CCDC146: variants seen among roughly 807,000 people sequenced by gnomAD.
The protein encoded by CCDC146 is coiled-coil domain containing 146, also known as coiled-coil domain-containing protein 146.
CCDC146 carries 92 observed loss-of-function variants against 119.3 expected under a neutral mutation model. That is an observed-to-expected ratio of 0.77 (90% CI 0.65 to 0.92). The LOEUF (loss-of-function observed/expected upper bound fraction) is 0.92. Among genes scored for constraint, CCDC146 ranks in the 40% least tolerant of loss-of-function variants. The pLI is 0.00. For synonymous variants in CCDC146, 372 were observed against 371.8 expected (o/e 1.00, Z -0.01); for missense variants, 1,000 against 1,103.0 (o/e 0.91, Z 1.32).
At chr7:77,276,091 A>G (rs1210159240) in intron 11 of CCDC146, among the ~76,000 whole-genome samples, 1 of 151,720 alleles carries the variant, frequency 6.6e-6, no homozygotes, top group Non-Finnish European at 1.5e-5. Context: ...CTGTAATCCC[A>G]GCTACTTGGG....
At chr7:77,277,523 G>C (rs1327983151) in intron 11 of CCDC146, among the ~76,000 whole-genome samples, 1 of 151,892 alleles carries the variant, frequency 6.6e-6, no homozygotes, top group Non-Finnish European at 1.5e-5. Flanking sequence ...CCTGTACTTA[G>C]CTGCAGTTTC....
At chr7:77,265,346 G>T (rs1456262247) in intron 9 of CCDC146, among the ~76,000 whole-genome samples, 1 of 152,162 alleles carries the variant, frequency 6.6e-6, no homozygotes, top group Non-Finnish European at 1.5e-5. Context: ...GGGATAAAAT[G>T]TATAATTACC....
At chr7:77,233,094 G>GC (rs1554355014) in intron 2 of CCDC146, among the ~76,000 whole-genome samples, 2 of 144,680 alleles carry the variant, frequency 1.4e-5, no homozygotes, top group Non-Finnish European at 3.0e-5. Context: ...TCTTTTGTTT[G>GC]TTTTTTTTTT....
rs751454243 is a variant in CCDC146 at position 77,236,967 on chromosome 7, T to C, written c.177T>C (p.Leu59=). The C allele has an allele frequency of 2.5e-6, 4 of 1,614,124 alleles. No homozygotes were observed. The highest frequency in any genetic ancestry group is 3.4e-6 in the Non-Finnish European group (4 of 1,179,958). ...FLHELHAMGK[L]PGTRMAALKA... ...GCTAGTTACATGCTATGGGAAAACT[T>C]CCTGGAACCAGAATGGCAGCGTTAA... is the stretch of plus-strand genomic sequence containing the variant. Residue 59 remains leucine, a synonymous_variant, in exon 3 of 19, where the codon CTT becomes CTC. Coordinates refer to ENST00000285871, the MANE Select transcript of CCDC146 (RefSeq NM_020879.3).
chr7:77,256,182 A>G, intron 5 of CCDC146, 151 bp from the exon 6 acceptor site: 1 of 559,692 alleles, frequency 1.8e-6, no homozygotes, highest in Non-Finnish European at 3.1e-6. Context: ...ATTTAGCTTT[A>G]TGAGAAATCA....
intron 4 of CCDC146, among the ~76,000 whole-genome samples, chr7:77,250,076 T>A (rs185124397): frequency 0.012 from 1,767 of 152,328 alleles, 16 homozygotes; most frequent in Middle Eastern, 0.02. Context: ...AAGTACTTTT[T>A]AAGTAACAAA....
intron 2 of CCDC146, among the ~76,000 whole-genome samples, chr7:77,220,254 A>G (rs1792377802): frequency 6.6e-6 from 1 of 152,158 alleles, no homozygotes; most frequent in African/African-American, 2.4e-5. Flanking sequence ...TAATTCTCCT[A>G]TTCGCTTTTG....
chr7:77,152,359 T>A (rs1482069330), intron 1 of CCDC146, among the ~76,000 whole-genome samples: 1 of 152,174 alleles, frequency 6.6e-6, no homozygotes, highest in Non-Finnish European at 1.5e-5. Flanking sequence ...GAGTAAGGGA[T>A]GCTGCCCCAG....
chr7:77,283,753 G>A (rs11770551), intron 15 of CCDC146, among the ~76,000 whole-genome samples: 8,601 of 151,936 alleles, frequency 0.057, 311 homozygotes, highest in Middle Eastern at 0.088. Flanking sequence ...TTTTAATCAT[G>A]TGAAGGGGAT....
At chr7:77,179,687 G>T (rs78015737) in intron 2 of CCDC146, among the ~76,000 whole-genome samples, 2,104 of 152,146 alleles carry the variant, frequency 0.014, 58 homozygotes, top group African/African-American at 0.048. Flanking sequence ...TAGTGGGATT[G>T]CTGGGTCAGT....
intron 1 of CCDC146, among the ~76,000 whole-genome samples, chr7:77,136,434 G>A (rs1309370771): frequency 1.3e-5 from 2 of 152,130 alleles, no homozygotes; most frequent in African/African-American, 4.8e-5. Context: ...ACATCAGAAT[G>A]AAACTGATCA....
intron 17 of CCDC146, among the ~76,000 whole-genome samples, chr7:77,292,165 A>AT (rs1280515909): frequency 5.3e-5 from 8 of 152,252 alleles, no homozygotes; most frequent in Non-Finnish European, 8.8e-5. Flanking sequence ...ATGGTGGTGC[A>AT]TGGCTATAGT....
intron 1 of CCDC146, among the ~76,000 whole-genome samples, chr7:77,123,926 CT>C (rs1249896109): frequency 2.0e-5 from 3 of 152,238 alleles, no homozygotes. Flanking sequence ...CTTTTCTTGT[CT>C]TTGTGTTTCA....
intron 2 of CCDC146, among the ~76,000 whole-genome samples, chr7:77,234,256 T>TTC (rs1353009193): frequency 6.6e-6 from 1 of 151,724 alleles, no homozygotes; most frequent in Non-Finnish European, 1.5e-5. Context: ...TAAAGGCTTT[T>TTC]TTTTTTTTTA....
At chr7:77,131,260 C>A (rs997662037) in intron 1 of CCDC146, among the ~76,000 whole-genome samples, 3 of 151,836 alleles carry the variant, frequency 2.0e-5, no homozygotes, top group African/African-American at 7.3e-5. Flanking sequence ...GGAAAAGTTA[C>A]CACCCCCAAA....
At chr7:77,254,612 A>G (rs1016427056) in intron 5 of CCDC146, 49 bp downstream of exon 5, 7 of 1,003,236 alleles carry the variant, frequency 7.0e-6, no homozygotes, top group Non-Finnish European at 1.1e-5. Context: ...GGATTCAATC[A>G]TCCCTTTTTA....
chr7:77,252,937 G>A (rs148889576), intron 4 of CCDC146, among the ~76,000 whole-genome samples: 34 of 152,256 alleles, frequency 2.2e-4, no homozygotes, highest in African/African-American at 7.9e-4. Context: ...TAGTCCAATG[G>A]CTCCAATCCA....
intron 2 of CCDC146, among the ~76,000 whole-genome samples, chr7:77,201,201 G>A (rs1791980226): frequency 6.6e-6 from 1 of 152,144 alleles, no homozygotes; most frequent in Admixed American, 6.6e-5. Flanking sequence ...CTGTAGCGGA[G>A]GAATTTAGCT....
intron 15 of CCDC146, among the ~76,000 whole-genome samples, chr7:77,283,533 T>C (rs1210094902): frequency 6.6e-6 from 1 of 152,140 alleles, no homozygotes; most frequent in Non-Finnish European, 1.5e-5. Flanking sequence ...CGTTTGGATT[T>C]TTTTTCCTGA....
Sources: gnomAD v4.1 joint callset for allele counts (sites outside exome capture counted in the v4.1 genomes callset) on GRCh38, gnomAD v4.1.1 for gene constraint, MANE v1.5 for transcripts, NCBI Gene and HGNC (gene_info 2026-07-23, HGNC 2026-07-21) for gene names.